NSUN6: variants seen among roughly 807,000 people sequenced by gnomAD.
NSUN6 encodes the protein tRNA (cytosine(72)-C(5))-methyltransferase NSUN6.
NSUN6 carries 64 observed loss-of-function variants against 58.0 expected under a neutral mutation model. That is an observed-to-expected ratio of 1.10 (90% CI 0.90 to 1.36). NSUN6 has a LOEUF of 1.36. Among genes scored for constraint, NSUN6 ranks in the 40% most tolerant of loss-of-function variants. NSUN6 has a pLI of 0.00. For synonymous variants in NSUN6, 231 were observed against 193.9 expected, an observed-to-expected ratio of 1.19 and a Z score of -1.59; for missense variants, 701 against 550.1, an observed-to-expected ratio of 1.27 and a Z score of -2.74.
At chr10:18,604,240 G>A (rs1026762666) in intron 6 of NSUN6, among the ~76,000 whole-genome samples, 2 of 152,204 alleles carry the variant, frequency 1.3e-5, no homozygotes, top group Non-Finnish European at 2.9e-5. Context: ...AGGTGAGATA[G>A]AGAAGAAACC....
chr10:18,569,144 C>G (rs1041915239), intron 8 of NSUN6, among the ~76,000 whole-genome samples: 8 of 151,066 alleles, frequency 5.3e-5, no homozygotes, highest in African/African-American at 1.9e-4. Flanking sequence ...ATTCCCCATT[C>G]CACTGCATTC....
chr10:18,639,851 A>C (rs1726650552), intron 3 of NSUN6, among the ~76,000 whole-genome samples: 1 of 152,242 alleles, frequency 6.6e-6, no homozygotes, highest in South Asian at 2.1e-4. Context: ...TTAACTGGTA[A>C]AACTTTGTAG....
In NSUN6 at chr10:18,632,065, C is replaced by G. The variant is rs199701394; in HGVS notation, c.311+10411G>C. ...CTGGTACCAAAACAGAGATATAGAT[C>G]AATGGAACAGAACAGAGCCCTCAGA... On this transcript the variant is annotated intron_variant, in intron 3 of 10. Coordinates refer to ENST00000377304, the MANE Select transcript of NSUN6 (RefSeq NM_182543.5). 2.1e-3 allele frequency among the ~76,000 whole-genome samples: 313 copies of G among 150,160 alleles called. 8 individuals are homozygous for G. The East Asian group carries it at 0.054, about 26-fold the overall frequency.
chr10:18,621,614 T>G (rs767313183), intron 3 of NSUN6, among the ~76,000 whole-genome samples: 1 of 152,136 alleles, frequency 6.6e-6, no homozygotes, highest in Non-Finnish European at 1.5e-5. Context: ...TGTTTCCAAA[T>G]AGAGTGCATC....
At chr10:18,554,464 T>G (rs192805346) in intron 8 of NSUN6, among the ~76,000 whole-genome samples, 1 of 147,722 alleles carries the variant, frequency 6.8e-6, no homozygotes, top group South Asian at 2.1e-4. Flanking sequence ...GAATGGGGAA[T>G]GGAATGGAGT....
chr10:18,549,728 C>G (rs544626637), intron 9 of NSUN6, among the ~76,000 whole-genome samples: 7 of 152,186 alleles, frequency 4.6e-5, no homozygotes. Context: ...TAAAGTTCAG[C>G]TTTTCAAGCT....
chr10:18,638,275 T>C (rs1316577539), intron 3 of NSUN6, among the ~76,000 whole-genome samples: 1 of 152,074 alleles, frequency 6.6e-6, no homozygotes, highest in African/African-American at 2.4e-5. Context: ...AAACCCCATC[T>C]ACTAAAAATA....
intron 8 of NSUN6, among the ~76,000 whole-genome samples, chr10:18,552,303 T>C (rs1251050660): frequency 6.6e-6 from 1 of 152,148 alleles, no homozygotes; most frequent in African/African-American, 2.4e-5. Flanking sequence ...GTTCTGGAAA[T>C]GGATACTTCT....
At chr10:18,567,035 T>A (rs1324540309) in intron 8 of NSUN6, among the ~76,000 whole-genome samples, 1 of 151,606 alleles carries the variant, frequency 6.6e-6, no homozygotes, top group African/African-American at 2.4e-5. Context: ...CTCCATTCCA[T>A]TCCATATTCT....
rs768858112 is a variant in NSUN6, at chr10:18,545,965, T to TA, written c.1377dup (p.Ile460TyrfsTer64). ...CTTTTGCATTTTACAAATTTTGCAA[T>TA]AAAAAAACCTATAGAGTCCTTATTA... On this transcript the variant is annotated frameshift_variant, in exon 11 of 11. Coordinates refer to ENST00000377304, the MANE Select transcript of NSUN6 (RefSeq NM_182543.5). LOFTEE classifies it high-confidence loss of function. The TA allele has an allele frequency of 4.4e-6, 7 of 1,583,584 alleles. No homozygotes were observed. Among genetic ancestry groups the TA allele is most frequent in the East Asian group, 2.2e-5 (1 of 44,488 alleles).
Position 18,642,480 on chromosome 10 carries a change from G to T in NSUN6, c.307C>A (p.Pro103Thr). The stretch of plus-strand genomic sequence containing the variant: ...GGAAATGAAGTTCTTACAAACCTGG[G>T]TCCAATAACAGGAATAAGTAACACA... ...QDVLLIPVIG[P>T]RKNIKKQQCE... The change falls in exon 3 of 11, where the codon CCC becomes ACC. Residue 103 changes from proline to threonine, a missense_variant. Transcript: ENST00000377304. The T allele has an allele frequency of 6.7e-7, 1 of 1,484,618 alleles. No homozygotes were observed. Among genetic ancestry groups the T allele is most frequent in the South Asian group, 1.1e-5 (1 of 87,444 alleles). 92.0% of individuals were successfully genotyped at this position (1,484,618 alleles called of 1,614,324 possible). A position where few individuals can be genotyped will look rare whatever the true frequency, so the allele number is the denominator to read the frequency against.
At chr10:18,630,150 G>A (rs1437538768) in intron 3 of NSUN6, among the ~76,000 whole-genome samples, 2 of 135,406 alleles carry the variant, frequency 1.5e-5, no homozygotes, top group African/African-American at 2.8e-5. Context: ...GCTCCTGAAT[G>A]ACTACTGGGT....
At chr10:18,641,703 T>A (rs753191920) in intron 3 of NSUN6, among the ~76,000 whole-genome samples, 4 of 152,096 alleles carry the variant, frequency 2.6e-5, no homozygotes, top group African/African-American at 9.7e-5. Flanking sequence ...TTCAAACATA[T>A]GCTTTCCAAA....
intron 8 of NSUN6, among the ~76,000 whole-genome samples, chr10:18,584,098 T>C (rs1014891829): frequency 6.6e-6 from 1 of 152,008 alleles, no homozygotes; most frequent in Admixed American, 6.6e-5. Context: ...CTCCAGGGGG[T>C]GGTCTTGAAA....
At chr10:18,597,801 CA>C (rs1457521273) in intron 6 of NSUN6, among the ~76,000 whole-genome samples, 1 of 151,912 alleles carries the variant, frequency 6.6e-6, no homozygotes, top group African/African-American at 2.4e-5. Flanking sequence ...TACAAACATA[CA>C]AAAAAACTGT....
At chr10:18,650,856 T>C (rs1701816781) in intron 1 of NSUN6, among the ~76,000 whole-genome samples, 1 of 152,248 alleles carries the variant, frequency 6.6e-6, no homozygotes, top group Non-Finnish European at 1.5e-5. Flanking sequence ...CCTTTTCTTG[T>C]TCATCCTTGT....
intron 6 of NSUN6, among the ~76,000 whole-genome samples, chr10:18,603,072 C>G (rs1247435200): frequency 1.3e-5 from 2 of 152,100 alleles, no homozygotes; most frequent in Non-Finnish European, 2.9e-5. Flanking sequence ...GCAAGCAGAT[C>G]ACTTGAGGCC....
intron 6 of NSUN6, among the ~76,000 whole-genome samples, chr10:18,597,951 C>T (rs550146676): frequency 3.3e-5 from 5 of 152,236 alleles, no homozygotes; most frequent in African/African-American, 1.2e-4. Context: ...AATTTAGGCA[C>T]CCAAAGAGCT....
At chr10:18,626,050 AAG>A (rs1460424793) in intron 3 of NSUN6, among the ~76,000 whole-genome samples, 1 of 152,158 alleles carries the variant, frequency 6.6e-6, no homozygotes, top group Non-Finnish European at 1.5e-5. Flanking sequence ...CGCAGTACGT[AAG>A]AGTCACACTT....
Sources: gnomAD v4.1 joint callset for allele counts (sites outside exome capture counted in the v4.1 genomes callset) on GRCh38, gnomAD v4.1.1 for gene constraint, MANE v1.5 for transcripts, NCBI Gene and HGNC (gene_info 2026-07-23, HGNC 2026-07-21) for gene names.